NTRK3: variants seen among roughly 807,000 people sequenced by gnomAD.
NTRK3 encodes neurotrophic receptor tyrosine kinase 3.
A neutral mutation model predicts 91.7 loss-of-function variants in NTRK3; 24 were observed. The observed-to-expected ratio is 0.26, with a 90% confidence interval of 0.19 to 0.37. The LOEUF (loss-of-function observed/expected upper bound fraction) is 0.37. NTRK3 is among the 10% of genes least tolerant of loss of function. The pLI is 1.00. For missense variants in NTRK3, 880 were observed against 1,068.9 expected (o/e 0.82, Z 2.46); for synonymous variants, 483 against 404.0 (o/e 1.20, Z -2.34).
At chr15:88,229,230 G>A (rs893345972) in intron 3 of NTRK3, among the ~76,000 whole-genome samples, 1 of 152,134 alleles carries the variant, frequency 6.6e-6, no homozygotes, top group South Asian at 2.1e-4. Flanking sequence ...ATACATAATG[G>A]TATTCAACTC....
At chr15:88,082,386 A>G (rs933773332) in intron 13 of NTRK3, among the ~76,000 whole-genome samples, 1 of 152,194 alleles carries the variant, frequency 6.6e-6, no homozygotes, top group Non-Finnish European at 1.5e-5. Flanking sequence ...GATCACATAC[A>G]TGCAATGAGT....
intron 13 of NTRK3, among the ~76,000 whole-genome samples, chr15:88,069,470 T>C (rs939163495): frequency 6.6e-6 from 1 of 152,162 alleles, no homozygotes; most frequent in Non-Finnish European, 1.5e-5. Context: ...CCAAGGATGA[T>C]GCAGCGGTGT....
At chr15:88,008,601 G>A (rs966905868) in intron 14 of NTRK3, among the ~76,000 whole-genome samples, 5 of 152,010 alleles carry the variant, frequency 3.3e-5, no homozygotes, top group Non-Finnish European at 5.9e-5. Context: ...ACCTTTAAGT[G>A]CTTCACATTT....
rs756564455 is a variant in NTRK3, at chr15:88,154,777, A to T, written c.396-7374T>A. 3.9e-4 allele frequency among the ~76,000 whole-genome samples: 60 copies of T among 152,250 alleles called. No homozygotes were observed. The Middle Eastern group carries it at 0.02, about 52-fold the overall frequency. ...GTTCATGGGTATTTCAAGGGGAAAAAGATCATATTGCTTGAAAATTGTATT... is the reference window on the plus strand; with the variant it reads ...GTTCATGGGTATTTCAAGGGGAAAATGATCATATTGCTTGAAAATTGTATT... On this transcript the variant is annotated intron_variant, in intron 5 of 18. Transcript: ENST00000394480.
chr15:87,972,921 G>C (rs187672242), intron 14 of NTRK3, among the ~76,000 whole-genome samples: 1 of 152,122 alleles, frequency 6.6e-6, no homozygotes, highest in African/African-American at 2.4e-5. Context: ...TACCTTCTAC[G>C]TCCCTGTGGG....
In NTRK3 at chr15:87,957,918, T is replaced by C. The variant is rs199795134; in HGVS notation, c.1586-17165A>G. 2.5e-4 allele frequency among the ~76,000 whole-genome samples: 38 copies of C among 152,274 alleles called. 1 individual carries two copies. The East Asian group carries it at 6.6e-3, about 26-fold the overall frequency. On this transcript the variant is annotated intron_variant, in intron 14 of 18. Coordinates refer to ENST00000394480, the Ensembl canonical transcript of NTRK3. ...CTAAATTGCTCTGGACCTTAGAGTG[T>C]AGTGGCTGAATTCCTCCGAGGAGAG...
At position 87,984,388 on chromosome 15, in the gene NTRK3, G is replaced by T. The variant is rs540800693; in HGVS notation, c.1586-43635C>A. ...GTGATCATCAAAGCATTCTAATGGTGCCTGGGCTATGGTTATGATTGATTT... is the reference window on the plus strand; with the variant it reads ...GTGATCATCAAAGCATTCTAATGGTTCCTGGGCTATGGTTATGATTGATTT... On this transcript the variant is annotated intron_variant, in intron 14 of 18. Transcript: ENST00000394480. Among the ~76,000 whole-genome samples, 131 of 152,328 alleles carry T rather than the reference G, an allele frequency of 8.6e-4. 1 individual carries two copies. The highest frequency in any genetic ancestry group is 3.0e-3 in the African/African-American group (123 of 41,570).
intron 13 of NTRK3, among the ~76,000 whole-genome samples, chr15:88,087,521 A>G (rs577781416): frequency 6.6e-6 from 1 of 152,210 alleles, no homozygotes; most frequent in Non-Finnish European, 1.5e-5. Flanking sequence ...CAGGAGGAAG[A>G]GAGTGTAGGC....
chr15:88,087,455 A>T (rs2048605834), intron 13 of NTRK3, among the ~76,000 whole-genome samples: 2 of 152,046 alleles, frequency 1.3e-5, no homozygotes, highest in African/African-American at 2.4e-5. Context: ...TTCCACTGTC[A>T]CTCAGCCTCA....
intron 17 of NTRK3, among the ~76,000 whole-genome samples, chr15:87,915,603 A>T (rs2067391330): frequency 6.6e-6 from 1 of 152,068 alleles, no homozygotes; most frequent in Non-Finnish European, 1.5e-5. Flanking sequence ...AATTTCCCTA[A>T]ATTCTCTTGA....
chr15:87,968,318 A>T (rs2072964028), intron 14 of NTRK3, among the ~76,000 whole-genome samples: 1 of 152,198 alleles, frequency 6.6e-6, no homozygotes, highest in South Asian at 2.1e-4. Flanking sequence ...CCCAAGACCA[A>T]AAACTTTGAG....
At chr15:88,161,462 C>T (rs1301903247) in intron 5 of NTRK3, among the ~76,000 whole-genome samples, 1 of 152,094 alleles carries the variant, frequency 6.6e-6, no homozygotes, top group Non-Finnish European at 1.5e-5. Context: ...GGACAGGATC[C>T]TACGATTCTT....
At chr15:88,005,263 A>G (rs1375017616) in intron 14 of NTRK3, among the ~76,000 whole-genome samples, 1 of 152,178 alleles carries the variant, frequency 6.6e-6, no homozygotes, top group Non-Finnish European at 1.5e-5. Context: ...CAGATGCTTC[A>G]TGAGCTTGAC....
Position 88,233,381 on chromosome 15 carries a change from C to A in NTRK3, c.248+22525G>T, listed in dbSNP as rs2141766977. 6.6e-6 allele frequency among the ~76,000 whole-genome samples: 1 copy of A among 152,252 alleles called. No homozygotes were observed. The highest frequency in any genetic ancestry group is 1.9e-4 in the East Asian group (1 of 5,170). On this transcript the variant is annotated intron_variant, in intron 3 of 18. Coordinates refer to ENST00000394480, the Ensembl canonical transcript of NTRK3. The surrounding 1 kb of genome is among the most constrained non-coding windows in gnomAD (Gnocchi z 4.2). ...TATTATCTGTCCATATCCTTCCCTCCCTGTGAAGGCAAGGGAATGGGCTGC... is the reference window on the plus strand; with the variant it reads ...TATTATCTGTCCATATCCTTCCCTCACTGTGAAGGCAAGGGAATGGGCTGC...
chr15:88,159,603 C>G (rs1401252484), intron 5 of NTRK3, among the ~76,000 whole-genome samples: 1 of 152,122 alleles, frequency 6.6e-6, no homozygotes, highest in African/African-American at 2.4e-5. Context: ...AATCCCTCTG[C>G]CCTAAAGAAG....
intron 3 of NTRK3, among the ~76,000 whole-genome samples, chr15:88,252,073 C>T (rs1225824828): frequency 2.0e-5 from 3 of 152,176 alleles, no homozygotes; most frequent in African/African-American, 7.2e-5. Context: ...CCAAGGTCTC[C>T]AGGTTTGATC....
chr15:87,964,630 C>A (rs767478614), intron 14 of NTRK3, among the ~76,000 whole-genome samples: 7 of 152,232 alleles, frequency 4.6e-5, no homozygotes, highest in Non-Finnish European at 8.8e-5. Context: ...AACCCTGGGT[C>A]CATTTATAGT....
At chr15:87,954,346 C>A (rs1027959078) in intron 14 of NTRK3, among the ~76,000 whole-genome samples, 1 of 152,208 alleles carries the variant, frequency 6.6e-6, no homozygotes, top group Admixed American at 6.5e-5. Context: ...CATTTTCCCA[C>A]TTTCAGTACA....
intron 6 of NTRK3, among the ~76,000 whole-genome samples, chr15:88,145,038 C>T (rs2042757557): frequency 6.6e-6 from 1 of 152,130 alleles, no homozygotes; most frequent in South Asian, 2.1e-4. Context: ...CCTCCAGGGC[C>T]AAAATTCTTT....
Sources: gnomAD v4.1 joint callset for allele counts (sites outside exome capture counted in the v4.1 genomes callset) on GRCh38, gnomAD v4.1.1 for gene constraint, Gnocchi (gnomAD v3.1) non-coding constraint, MANE v1.5 for transcripts, NCBI Gene and HGNC (gene_info 2026-07-23, HGNC 2026-07-21) for gene names.